The following FSTL4 variants were observed in gnomAD, a reference collection of about 807,000 sequenced individuals.
FSTL4 encodes follistatin-related protein 4.
A neutral mutation model predicts 78.2 loss-of-function variants in FSTL4; 28 were observed. The observed-to-expected ratio is 0.36, with a 90% CI of 0.27 to 0.49. The LOEUF (loss-of-function observed/expected upper bound fraction) is 0.49. Among genes scored for constraint, FSTL4 ranks in the 20% least tolerant of loss-of-function variants. FSTL4 has a pLI of 0.98. For missense variants in FSTL4, 922 were observed against 1,084.9 expected (o/e 0.85, Z 2.11); for synonymous variants, 422 against 440.5 (o/e 0.96, Z 0.53).
chr5:133,662,952 A>G, the FSTL4 span, among the ~76,000 whole-genome samples: 4 of 141,428 alleles, frequency 2.8e-5, no homozygotes, highest in African/African-American at 1.1e-4. Context: ...AAAGATTCCC[A>G]TGAGCATTAC....
chr5:133,592,400 C>G (rs1256889881), intron 2 of FSTL4, among the ~76,000 whole-genome samples: 1 of 152,222 alleles, frequency 6.6e-6, no homozygotes, highest in Non-Finnish European at 1.5e-5. Flanking sequence ...CAAGAACAGT[C>G]ATTTTGAATA....
At chr5:133,244,009 G>A (rs555297934) in intron 7 of FSTL4, 1 of 152,442 alleles carries the variant, frequency 6.6e-6, no homozygotes, top group South Asian at 2.1e-4. Context: ...AGAGGGCTGA[G>A]GCCCAGAATG....
the FSTL4 span, among the ~76,000 whole-genome samples, chr5:133,814,948 G>A: frequency 6.6e-6 from 1 of 152,134 alleles, no homozygotes; most frequent in Non-Finnish European, 1.5e-5. Context: ...TGAGCTACAT[G>A]GCTTGTTCCA....
At chr5:133,255,186 C>T (rs973794713) in intron 6 of FSTL4, among the ~76,000 whole-genome samples, 16 of 152,170 alleles carry the variant, frequency 1.1e-4, no homozygotes, top group African/African-American at 3.4e-4. Flanking sequence ...CTCAGCCAGA[C>T]GCTGTGTCTG....
chr5:133,841,911 A>G, the FSTL4 span, among the ~76,000 whole-genome samples: 2 of 152,238 alleles, frequency 1.3e-5, no homozygotes, highest in Non-Finnish European at 2.9e-5. Flanking sequence ...AGGGCTGCCA[A>G]GCAGCACCAC....
At chr5:133,753,683 C>CTTTGTGTT in the FSTL4 span, among the ~76,000 whole-genome samples, 6 of 120,696 alleles carry the variant, frequency 5.0e-5, no homozygotes, top group African/African-American at 1.5e-4. Context: ...CACATTTGTT[C>CTTTGTGTT]TGTGTGTGTG....
At chr5:133,693,294 C>T in the FSTL4 span, among the ~76,000 whole-genome samples, 2 of 152,314 alleles carry the variant, frequency 1.3e-5, no homozygotes, top group African/African-American at 4.8e-5. Context: ...AAACAACATC[C>T]TCTCATAATT....
intron 3 of FSTL4, among the ~76,000 whole-genome samples, chr5:133,550,216 T>C (rs1405586180): frequency 6.6e-6 from 1 of 152,220 alleles, no homozygotes; most frequent in Non-Finnish European, 1.5e-5. Context: ...TTGTTTTAAG[T>C]GGGAGAGTCA....
At chr5:133,406,540 AG>A (rs1756366731) in intron 3 of FSTL4, among the ~76,000 whole-genome samples, 1 of 152,156 alleles carries the variant, frequency 6.6e-6, no homozygotes, top group African/African-American at 2.4e-5. Flanking sequence ...TACCTTGGTG[AG>A]GGCCTCCACA....
At chr5:133,612,642 C>A (rs1249672243), upstream of FSTL4, 5 of 151,720 alleles carry the variant, frequency 3.3e-5, no homozygotes, top group African/African-American at 1.2e-4. The surrounding 1 kb of genome is among the most constrained non-coding windows in gnomAD (Gnocchi z 6.2). Flanking sequence ...CAGACCCGCG[C>A]GGCGGCCACG....
At chr5:133,637,985 T>A in the FSTL4 span, among the ~76,000 whole-genome samples, 1 of 151,218 alleles carries the variant, frequency 6.6e-6, no homozygotes. Context: ...AATAAATTAA[T>A]TAATGGGCTC....
the FSTL4 span, among the ~76,000 whole-genome samples, chr5:133,741,641 G>C: frequency 2.0e-5 from 3 of 152,176 alleles, no homozygotes; most frequent in African/African-American, 7.2e-5. Flanking sequence ...AGCCCTAAGA[G>C]AACACAGAGG....
At chr5:133,725,203 G>T in the FSTL4 span, among the ~76,000 whole-genome samples, 1 of 152,084 alleles carries the variant, frequency 6.6e-6, no homozygotes, top group African/African-American at 2.4e-5. Context: ...GCTCTTCTCA[G>T]TTCTTCCCAT....
intron 3 of FSTL4, among the ~76,000 whole-genome samples, chr5:133,494,372 C>T (rs1758328911): frequency 6.7e-6 from 1 of 148,736 alleles, no homozygotes; most frequent in South Asian, 2.1e-4. Flanking sequence ...TTTTTTACAA[C>T]ACTGTGTTGT....
chr5:133,592,970 A>G (rs1760663135), intron 2 of FSTL4, among the ~76,000 whole-genome samples: 2 of 152,192 alleles, frequency 1.3e-5, no homozygotes, highest in Non-Finnish European at 2.9e-5. Flanking sequence ...GCCACAATCA[A>G]TTGGACCAGG....
In FSTL4 at chr5:133,276,038, A is replaced by G. The variant is rs1268206054; in HGVS notation, c.728-26462T>C. 5 of 152,242 alleles carry G rather than the reference A, an allele frequency of 3.3e-5. No individual in the cohort carries two copies. The East Asian group carries it at 9.6e-4, about 29-fold the overall frequency. The allele number at this position is 152,242 out of a possible 1,614,324, so 9.4% of individuals were successfully genotyped here. A position where few individuals can be genotyped will look rare whatever the true frequency, so the allele number is the denominator to read the frequency against. ...TTTGTTTTAGCTTTATGGCTGTGAGAGAGCTCCCTGCATAAGGAACGTGTA... is the reference window on the plus strand; with the variant it reads ...TTTGTTTTAGCTTTATGGCTGTGAGGGAGCTCCCTGCATAAGGAACGTGTA... On this transcript the variant is annotated intron_variant, in intron 6 of 15. Transcript: ENST00000265342.
the FSTL4 span, among the ~76,000 whole-genome samples, chr5:133,833,849 T>G: frequency 6.6e-6 from 1 of 152,240 alleles, no homozygotes; most frequent in African/African-American, 2.4e-5. Flanking sequence ...CTAGATATAA[T>G]GTCCAACAAT....
intron 5 of FSTL4, among the ~76,000 whole-genome samples, chr5:133,314,480 C>T (rs969591444): frequency 4.6e-5 from 7 of 152,264 alleles, no homozygotes; most frequent in Non-Finnish European, 2.9e-5. Context: ...CTGGCTGGGA[C>T]GGAGGGCCTA....
intron 4 of FSTL4, among the ~76,000 whole-genome samples, chr5:133,391,139 G>C (rs1755838849): frequency 6.6e-6 from 1 of 152,192 alleles, no homozygotes; most frequent in Non-Finnish European, 1.5e-5. Flanking sequence ...GTTGTGGCTG[G>C]TCTGACAGCT....
Sources: gnomAD v4.1 joint callset for allele counts (sites outside exome capture counted in the v4.1 genomes callset) on GRCh38, gnomAD v4.1.1 for gene constraint, Gnocchi (gnomAD v3.1) non-coding constraint, MANE v1.5 for transcripts, NCBI Gene and HGNC (gene_info 2026-07-23, HGNC 2026-07-21) for gene names.